Variants in KLHL32 observed in about 807,000 individuals in gnomAD.
KLHL32 encodes kelch-like protein 32.
A neutral mutation model predicts 64.8 loss-of-function variants in KLHL32; 35 were observed. The ratio of observed to expected loss-of-function variants is 0.54; its 90% CI spans 0.41 to 0.72. The LOEUF is 0.72. Ranked by LOEUF, KLHL32 falls within the 30% of genes least tolerant of loss-of-function variation. KLHL32 has a pLI of 0.00. For missense variants in KLHL32, 589 were observed against 768.5 expected, an observed-to-expected ratio of 0.77 and a Z score of 2.76; for synonymous variants, 259 against 281.0, an observed-to-expected ratio of 0.92 and a Z score of 0.78.
intron 7 of KLHL32, among the ~76,000 whole-genome samples, chr6:97,119,905 G>C (rs780773479): frequency 4.6e-5 from 7 of 152,160 alleles, no homozygotes; most frequent in Non-Finnish European, 1.0e-4. Context: ...GAGGGGAGTT[G>C]GTTGAGAAAA....
chr6:97,136,823 C>T (rs992672376), intron 10 of KLHL32, among the ~76,000 whole-genome samples: 25 of 152,306 alleles, frequency 1.6e-4, no homozygotes, highest in Admixed American at 3.9e-4. Flanking sequence ...TTAACATATG[C>T]AGTCTCTGTT....
chr6:96,912,955 T>C, the KLHL32 span, among the ~76,000 whole-genome samples: 1 of 152,220 alleles, frequency 6.6e-6, no homozygotes, highest in African/African-American at 2.4e-5. Flanking sequence ...TTTACTGTGG[T>C]ATTCATATTC....
chr6:97,002,083 G>A (rs1225772411), intron 3 of KLHL32, among the ~76,000 whole-genome samples: 1 of 152,228 alleles, frequency 6.6e-6, no homozygotes, highest in Non-Finnish European at 1.5e-5. Flanking sequence ...CAGGAGAGCT[G>A]GTTGTATGCT....
At chr6:97,086,671 T>A (rs1793462075) in intron 6 of KLHL32, among the ~76,000 whole-genome samples, 1 of 152,210 alleles carries the variant, frequency 6.6e-6, no homozygotes, top group African/African-American at 2.4e-5. Flanking sequence ...CATTAAAGAA[T>A]AAATTTTTTG....
At chr6:97,057,639 C>T (rs942676975) in intron 4 of KLHL32, among the ~76,000 whole-genome samples, 1 of 149,512 alleles carries the variant, frequency 6.7e-6, no homozygotes, top group African/African-American at 2.5e-5. Flanking sequence ...TTTTGGATAA[C>T]ATTCCTTTAG....
intron 3 of KLHL32, among the ~76,000 whole-genome samples, chr6:97,032,659 C>G (rs1355961734): frequency 2.6e-5 from 4 of 151,718 alleles, no homozygotes; most frequent in Admixed American, 1.3e-4. Context: ...GTCAGCACAT[C>G]AGGGGCAATT....
At chr6:97,038,269 C>T (rs1784585845) in intron 3 of KLHL32, among the ~76,000 whole-genome samples, 3 of 151,996 alleles carry the variant, frequency 2.0e-5, no homozygotes, top group African/African-American at 7.2e-5. Flanking sequence ...TTGTAAACTA[C>T]CATCTGACAA....
intron 3 of KLHL32, among the ~76,000 whole-genome samples, chr6:96,979,585 A>G (rs1057440074): frequency 2.0e-5 from 3 of 152,010 alleles, no homozygotes; most frequent in Non-Finnish European, 4.4e-5. Flanking sequence ...TTCAAACTAT[A>G]CTACAAACAA....
intron 5 of KLHL32, among the ~76,000 whole-genome samples, chr6:97,083,929 G>A (rs1792991092): frequency 6.6e-6 from 1 of 152,172 alleles, no homozygotes; most frequent in African/African-American, 2.4e-5. Context: ...AGGACAAAAA[G>A]CAATGGTTTT....
At chr6:97,008,760 C>A (rs1003250439) in intron 3 of KLHL32, among the ~76,000 whole-genome samples, 31 of 152,202 alleles carry the variant, frequency 2.0e-4, no homozygotes, top group Non-Finnish European at 1.6e-4. Flanking sequence ...GGGTTCCTAG[C>A]ATCCTTTCCC....
chr6:96,956,602 T>C (rs778065056), intron 1 of KLHL32, among the ~76,000 whole-genome samples: 1 of 152,202 alleles, frequency 6.6e-6, no homozygotes, highest in Non-Finnish European at 1.5e-5. Context: ...CACATGCCTC[T>C]CCTTTGGTAG....
intron 3 of KLHL32, among the ~76,000 whole-genome samples, chr6:96,977,774 T>TA (rs937966498): frequency 1.3e-5 from 2 of 152,184 alleles, no homozygotes; most frequent in African/African-American, 2.4e-5. Flanking sequence ...CAGCCTTTTT[T>TA]AAAAAGCGTA....
At chr6:97,074,866 A>G (rs2128167108) in intron 5 of KLHL32, among the ~76,000 whole-genome samples, 1 of 150,926 alleles carries the variant, frequency 6.6e-6, no homozygotes, top group African/African-American at 2.4e-5. Context: ...AATTAAAAGA[A>G]AATATATATA....
intron 10 of KLHL32, among the ~76,000 whole-genome samples, chr6:97,134,452 A>AT (rs1424576272): frequency 1.3e-5 from 2 of 152,262 alleles, no homozygotes; most frequent in East Asian, 3.9e-4. Flanking sequence ...CCAAGCATGT[A>AT]TTTGGTAGTC....
intron 4 of KLHL32, among the ~76,000 whole-genome samples, chr6:97,043,726 C>A (rs994728641): frequency 2.0e-5 from 3 of 146,568 alleles, no homozygotes; most frequent in Non-Finnish European, 4.5e-5. Flanking sequence ...TACTTGTTAT[C>A]GATTGTCTTT....
intron 3 of KLHL32, among the ~76,000 whole-genome samples, chr6:97,002,072 C>A (rs1779103300): frequency 6.6e-6 from 1 of 152,138 alleles, no homozygotes. Flanking sequence ...AGCTGGAAAC[C>A]CAGGAGAGCT....
At chr6:96,929,915 T>C (rs962084576) in intron 1 of KLHL32, among the ~76,000 whole-genome samples, 1 of 152,190 alleles carries the variant, frequency 6.6e-6, no homozygotes, top group African/African-American at 2.4e-5. Context: ...GTCACCAACC[T>C]GATAAGATAA....
At chr6:97,128,389 G>T (rs946833190) in intron 8 of KLHL32, among the ~76,000 whole-genome samples, 1 of 152,202 alleles carries the variant, frequency 6.6e-6, no homozygotes. Context: ...AAGAGGGATC[G>T]TTAATTGCAG....
chr6:97,117,986 C>T (rs1410057643), intron 7 of KLHL32, among the ~76,000 whole-genome samples: 1 of 152,144 alleles, frequency 6.6e-6, no homozygotes, highest in Non-Finnish European at 1.5e-5. Flanking sequence ...AATGCCACAT[C>T]CTTGTAAAGT....
Sources: gnomAD v4.1 joint callset for allele counts (sites outside exome capture counted in the v4.1 genomes callset) on GRCh38, gnomAD v4.1.1 for gene constraint, MANE v1.5 for transcripts, NCBI Gene and HGNC (gene_info 2026-07-23, HGNC 2026-07-21) for gene names.